The following ZNF226 variants were observed in gnomAD, a reference collection of about 807,000 sequenced individuals.
ZNF226 encodes Kruppel-associated box protein.
Under a neutral mutation model 11.4 loss-of-function variants are expected in ZNF226, and 6 were observed. The ratio of observed to expected loss-of-function variants is 0.53; its 90% CI spans 0.29 to 1.04. The LOEUF (loss-of-function observed/expected upper bound fraction) is 1.04, where lower values mean the gene tolerates loss of function less well. Among genes scored for constraint, ZNF226 ranks in the 50% least tolerant of loss-of-function variants. ZNF226 has a pLI of 0.08. For missense variants in ZNF226, 1,058 were observed against 956.5 expected, an observed-to-expected ratio of 1.11 and a Z score of -1.40; for synonymous variants, 350 against 322.8, an observed-to-expected ratio of 1.08 and a Z score of -0.90.
At position 44,170,158 on chromosome 19, in the gene ZNF226, A is replaced by G. The variant is rs1969911281; in HGVS notation, c.15+63A>G. The G allele has an allele frequency of 3.8e-6, 6 of 1,564,308 alleles. 1 individual carries two copies. In the Admixed American group the frequency reaches 1.1e-4, roughly 28 times the overall value. On this transcript the variant is annotated intron_variant, in intron 3 of 5. Transcript: ENST00000337433. ...CATTTTAGTACTCAGAGATGGAACC[A>G]GGTTTTTCTTTTTCAAGTAAGAGTC... is the stretch of plus-strand genomic sequence containing the variant.
chr19:44,172,760 ACTG>A, intron 4 of ZNF226, 97 bp from the exon 5 acceptor site: 1 of 916,878 alleles, frequency 1.1e-6, no homozygotes, highest in Non-Finnish European at 1.6e-6. Flanking sequence ...TTTGAAAAAC[ACTG>A]CTTTCAGTGT....
chr19:44,196,525 C>T, the ZNF226 span, among the ~76,000 whole-genome samples: 3 of 152,290 alleles, frequency 2.0e-5, no homozygotes, highest in South Asian at 6.2e-4. Flanking sequence ...TTGATTACAC[C>T]GGACCACTTT....
chr19:44,169,768 C>T (rs1382007824), intron 2 of ZNF226: 1 of 287,802 alleles, frequency 3.5e-6, no homozygotes, highest in East Asian at 6.0e-5. Flanking sequence ...CTTATATTGT[C>T]TCAATTTACG....
chr19:44,192,645 G>A, the ZNF226 span, among the ~76,000 whole-genome samples: 213 of 152,148 alleles, frequency 1.4e-3, no homozygotes, highest in Non-Finnish European at 2.4e-3. Flanking sequence ...GCTTCAAAAG[G>A]AAAGTTCTTT....
chr19:44,177,076 A>G lies in ZNF226; in HGVS notation c.1814A>G (p.His605Arg). ...AGTCGTAGAGCAGATCTTAAAATTC[A>G]CTGTAGGATCCACACAGGAGAGAAA... ...GFSRRADLKIHCRIHTGEKPY... is the reference protein window; with the variant it reads ...GFSRRADLKIRCRIHTGEKPY... Residue 605 changes from histidine (H) to arginine (R), a missense_variant, in exon 6 of 6, where the codon CAC becomes CGC. Coordinates refer to ENST00000337433, the MANE Select transcript of ZNF226 (RefSeq NM_001032373.2). The G allele has an allele frequency of 7.4e-6, 12 of 1,614,010 alleles. No homozygotes were observed. Among genetic ancestry groups the G allele is most frequent in the Non-Finnish European group, 1.0e-5 (12 of 1,179,992 alleles).
chr19:44,176,441 T>G lies in ZNF226; in HGVS notation c.1179T>G (p.Cys393Trp). 6.2e-7 allele frequency: 1 copy of G among 1,613,566 alleles called. No individual in the cohort carries two copies. The highest frequency in any genetic ancestry group is 1.1e-5 in the South Asian group (1 of 91,040). The change falls in exon 6 of 6, where the codon TGT becomes TGG. Residue 393 changes from cysteine (C) to tryptophan (W), a missense_variant. Coordinates refer to ENST00000337433, the MANE Select transcript of ZNF226 (RefSeq NM_001032373.2). ...ACACTGGGGAGAAGCCATTCAAATGTGATGCATGTGGTAAGAGCTTCAGTC... is the reference window on the plus strand; with the variant it reads ...ACACTGGGGAGAAGCCATTCAAATGGGATGCATGTGGTAAGAGCTTCAGTC... ...RLHTGEKPFKCDACGKSFSRN... is the reference protein window; with the variant it reads ...RLHTGEKPFKWDACGKSFSRN...
At chr19:44,174,958 A>G (rs1970544625) in intron 5 of ZNF226, 2 of 1,605,460 alleles carry the variant, frequency 1.2e-6, no homozygotes, top group East Asian at 2.2e-5. Context: ...GCAAAACTGT[A>G]CTTTCTAGTT....
chr19:44,178,996 A>G (rs985502968), downstream of ZNF226, among the ~76,000 whole-genome samples: 4 of 152,122 alleles, frequency 2.6e-5, no homozygotes, highest in African/African-American at 9.7e-5. Context: ...CCTGGCCAAC[A>G]TGGTGAAACC....
At chr19:44,182,345 GCGCGCGTGCATA>G (rs1301307262), downstream of ZNF226, among the ~76,000 whole-genome samples, 3 of 145,302 alleles carry the variant, frequency 2.1e-5, no homozygotes, top group African/African-American at 8.5e-5. Flanking sequence ...TGATGCGCGC[GCGCGCGTGCATA>G]CACACACACA....
At chr19:44,190,221 T>C in the ZNF226 span, among the ~76,000 whole-genome samples, 3 of 152,186 alleles carry the variant, frequency 2.0e-5, no homozygotes, top group Non-Finnish European at 4.4e-5. Flanking sequence ...TTTAGGTTCT[T>C]GTATTATTTT....
chr19:44,192,281 A>G, the ZNF226 span, among the ~76,000 whole-genome samples: 1 of 152,174 alleles, frequency 6.6e-6, no homozygotes, highest in Non-Finnish European at 1.5e-5. Context: ...AACTGGAGAG[A>G]GAGCCAGAGA....
At chr19:44,169,102 G>A (rs2122296770) in intron 2 of ZNF226, among the ~76,000 whole-genome samples, 1 of 141,910 alleles carries the variant, frequency 7.0e-6, no homozygotes, top group Admixed American at 7.5e-5. Context: ...TCCGCCTCCT[G>A]GGTTCAAACA....
chr19:44,168,666 A>G (rs1388259046), intron 2 of ZNF226, among the ~76,000 whole-genome samples: 1 of 152,244 alleles, frequency 6.6e-6, no homozygotes, highest in East Asian at 1.9e-4. Flanking sequence ...CAGAGATGCC[A>G]TAAAAGTAGG....
rs1310582713 is a variant in ZNF226, at chr19:44,176,046, A to G, written c.784A>G (p.Ser262Gly). ...GTGTAATGAGTGTAAAAAACCCTTC[A>G]GTGATCTCTCCAGCTTTGATCTTCA... ...YQCNECKKPF[S>G]DLSSFDLHQQ... The change falls in exon 6 of 6, where the codon AGT becomes GGT. Residue 262 changes from serine to glycine, a missense_variant. Physicochemically the swap from Ser to Gly is moderately conservative, Grantham distance 56. Transcript: ENST00000337433. 1.2e-6 allele frequency: 2 copies of G among 1,614,018 alleles called. No individual in the cohort carries two copies. The highest frequency in any genetic ancestry group is 2.2e-5 in the East Asian group (1 of 44,900).
At chr19:44,197,328 A>T in the ZNF226 span, among the ~76,000 whole-genome samples, 1 of 152,104 alleles carries the variant, frequency 6.6e-6, no homozygotes. Context: ...ACCAATTTAC[A>T]CTCTTACAAG....
At chr19:44,182,115 A>G (rs537387035), downstream of ZNF226, among the ~76,000 whole-genome samples, 59 of 152,332 alleles carry the variant, frequency 3.9e-4, no homozygotes, top group Non-Finnish European at 6.5e-4. Context: ...ACCTGGGAAT[A>G]GTTTCAACAG....
intron 2 of ZNF226, among the ~76,000 whole-genome samples, chr19:44,168,247 G>GTTTTTTTTTTTT (rs71171212): frequency 6.8e-6 from 1 of 146,784 alleles, no homozygotes; most frequent in African/African-American, 2.5e-5. Context: ...TTTTTGTTTT[G>GTTTTTTTTTTTT]TTTTTTTTTT....
chr19:44,197,367 G>A, the ZNF226 span, among the ~76,000 whole-genome samples: 2 of 152,152 alleles, frequency 1.3e-5, no homozygotes, highest in Non-Finnish European at 2.9e-5. Context: ...TCTGCTCCAC[G>A]TGCTTGCCAA....
chr19:44,186,849 ACTTTC>A, the ZNF226 span, among the ~76,000 whole-genome samples: 1 of 147,160 alleles, frequency 6.8e-6, no homozygotes, highest in Admixed American at 6.8e-5. Context: ...ATATTTAGGT[ACTTTC>A]CTTTCATTTC....
Sources: gnomAD v4.1 joint callset for allele counts (sites outside exome capture counted in the v4.1 genomes callset) on GRCh38, gnomAD v4.1.1 for gene constraint, MANE v1.5 for transcripts, NCBI Gene and HGNC (gene_info 2026-07-23, HGNC 2026-07-21) for gene names.